Variants in MCC observed in about 807,000 individuals in gnomAD.
MCC encodes colorectal mutant cancer protein.
A neutral mutation model predicts 116.2 loss-of-function variants in MCC; 90 were observed. The ratio of observed to expected loss-of-function variants is 0.77; its 90% CI spans 0.65 to 0.92. MCC has a LOEUF of 0.92. Ranked by LOEUF, MCC falls within the 40% of genes least tolerant of loss-of-function variation. The pLI, the probability that MCC is intolerant of heterozygous loss-of-function variation, is 0.00. For synonymous variants in MCC, 578 were observed against 510.5 expected (o/e 1.13, Z -1.78); for missense variants, 1,516 against 1,312.2 (o/e 1.16, Z -2.40).
At chr5:113,171,046 A>G (rs527578677) in intron 3 of MCC, among the ~76,000 whole-genome samples, 7 of 152,164 alleles carry the variant, frequency 4.6e-5, no homozygotes, top group African/African-American at 1.7e-4. Context: ...GCATGTGACC[A>G]TGTCCTGGCA....
At chr5:113,175,309 G>A (rs1761278422) in intron 3 of MCC, among the ~76,000 whole-genome samples, 1 of 152,202 alleles carries the variant, frequency 6.6e-6, no homozygotes, top group African/African-American at 2.4e-5. Flanking sequence ...GTCAAACTTT[G>A]ATGACTTAAA....
chr5:113,269,208 G>A (rs1765522240), intron 3 of MCC: 1 of 985,204 alleles, frequency 1.0e-6, no homozygotes, highest in Admixed American at 6.2e-5. Flanking sequence ...TCCCTCCCTG[G>A]CGTCAGGGCC....
chr5:113,189,515 G>C (rs927714604), intron 3 of MCC, among the ~76,000 whole-genome samples: 9 of 152,166 alleles, frequency 5.9e-5, no homozygotes, highest in Non-Finnish European at 5.9e-5. Flanking sequence ...AGGCCATCCA[G>C]GTTCACTATG....
At chr5:113,256,909 G>A (rs10519343) in intron 3 of MCC, among the ~76,000 whole-genome samples, 16,470 of 152,160 alleles carry the variant, frequency 0.11, 1,412 homozygotes, top group Admixed American at 0.25. Context: ...AAACCATTCT[G>A]AGGGCCAGAT....
intron 3 of MCC, among the ~76,000 whole-genome samples, chr5:113,168,560 A>G (rs914233717): frequency 6.6e-6 from 1 of 152,226 alleles, no homozygotes; most frequent in Non-Finnish European, 1.5e-5. Context: ...AATCTATGCC[A>G]TGAAAGAATA....
rs762885784 is a variant in MCC at position 113,082,956 on chromosome 5, T to C, written c.1688A>G (p.Asn563Ser). Residue 563 changes from asparagine to serine, a missense_variant, in exon 11 of 19, where the codon AAT becomes AGT. Physicochemically the swap from Asn to Ser is conservative, Grantham distance 46 (BLOSUM62 1). Transcript: ENST00000408903. ...GAGTGTTTGGAAAATCTCTTGGATA[T>C]TGGAGCAGTCCTGAAGTGAGTGGGC... ...HLAHSLQDCS[N>S]IQEIFQTLYS... is the part of the protein sequence containing the mutation. 31 of 1,614,078 alleles carry C rather than the reference T, an allele frequency of 1.9e-5. No homozygotes were observed. The Middle Eastern group carries it at 8.2e-4, about 43-fold the overall frequency.
intron 2 of MCC, among the ~76,000 whole-genome samples, chr5:113,346,576 G>T (rs1429773674): frequency 6.6e-6 from 1 of 151,664 alleles, no homozygotes; most frequent in East Asian, 1.9e-4. Context: ...CTCCAGCCTG[G>T]GCAACAAGAG....
intron 1 of MCC, among the ~76,000 whole-genome samples, chr5:113,412,697 T>C (rs113771236): frequency 0.013 from 1,910 of 152,320 alleles, 51 homozygotes; most frequent in African/African-American, 0.043. Context: ...TTTCTAAATA[T>C]GCAATCATGT....
rs1264924438 is a variant in MCC at position 113,053,861 on chromosome 5, G to A, written c.2312C>T (p.Ala771Val). The change falls in exon 15 of 19, where the codon GCT (alanine) becomes GTT (valine). Residue 771 changes from alanine to valine, a missense_variant. Coordinates refer to ENST00000408903, the MANE Select transcript of MCC (RefSeq NM_001085377.2). ...DYIQQLKNDR[A>V]AVKLTMLELE... Reference sequence around the variant, plus strand: ...CTCCAGCATGGTCAGCTTGACCGCAGCCCTGTCATTCTTGAGCTGCTGGAT... The same window carrying A: ...CTCCAGCATGGTCAGCTTGACCGCAACCCTGTCATTCTTGAGCTGCTGGAT... The A allele has an allele frequency of 6.2e-7, 1 of 1,614,134 alleles. No homozygotes were observed. Among genetic ancestry groups the A allele is most frequent in the African/African-American group, 1.3e-5 (1 of 75,032 alleles).
At chr5:113,486,039 T>G (rs1328550973) in intron 1 of MCC, among the ~76,000 whole-genome samples, 1 of 152,196 alleles carries the variant, frequency 6.6e-6, no homozygotes, top group African/African-American at 2.4e-5. Flanking sequence ...GCCCCTTACC[T>G]TCATTAGCCC....
chr5:113,364,259 A>C (rs1181444098), intron 2 of MCC, among the ~76,000 whole-genome samples: 3 of 117,728 alleles, frequency 2.5e-5, no homozygotes, highest in Middle Eastern at 3.7e-3. Flanking sequence ...AAAAAAAAAA[A>C]ACCAGAAAAA....
chr5:113,316,740 G>C (rs1767296078), intron 3 of MCC, among the ~76,000 whole-genome samples: 1 of 152,160 alleles, frequency 6.6e-6, no homozygotes, highest in South Asian at 2.1e-4. Flanking sequence ...GTATCAAAGA[G>C]GGTAAACCAA....
chr5:113,266,648 T>C (rs1349570559), intron 3 of MCC, among the ~76,000 whole-genome samples: 1 of 152,160 alleles, frequency 6.6e-6, no homozygotes, highest in East Asian at 1.9e-4. Flanking sequence ...TCAGAGTAAC[T>C]GGGATTATAG....
At chr5:113,210,165 T>A (rs1188307128) in intron 3 of MCC, among the ~76,000 whole-genome samples, 1 of 152,150 alleles carries the variant, frequency 6.6e-6, no homozygotes, top group Non-Finnish European at 1.5e-5. Flanking sequence ...GAGCTGTGGG[T>A]GGGAAGAGTG....
At chr5:113,100,888 T>A (rs911082402) in intron 8 of MCC, among the ~76,000 whole-genome samples, 19 of 152,296 alleles carry the variant, frequency 1.2e-4, no homozygotes, top group African/African-American at 4.3e-4. Flanking sequence ...GTAAGTCTAG[T>A]AATTCAAAGT....
chr5:113,418,792 A>AT (rs1429748563), intron 1 of MCC, among the ~76,000 whole-genome samples: 1 of 152,124 alleles, frequency 6.6e-6, no homozygotes, highest in Non-Finnish European at 1.5e-5. Flanking sequence ...TATTACCACA[A>AT]TTAGGGGTAA....
chr5:113,291,623 G>A (rs1391847252), intron 3 of MCC, among the ~76,000 whole-genome samples: 1 of 152,168 alleles, frequency 6.6e-6, no homozygotes, highest in Non-Finnish European at 1.5e-5. Flanking sequence ...CAGCATTGAG[G>A]CTCCTGGGCA....
intron 3 of MCC, among the ~76,000 whole-genome samples, chr5:113,161,320 C>G (rs1053755539): frequency 3.3e-5 from 5 of 152,158 alleles, no homozygotes; most frequent in African/African-American, 1.2e-4. Flanking sequence ...ACGCTAAATA[C>G]TGATGTGATT....
At chr5:113,472,258 G>A (rs556300013) in intron 1 of MCC, among the ~76,000 whole-genome samples, 137 of 152,286 alleles carry the variant, frequency 9.0e-4, no homozygotes, top group African/African-American at 3.2e-3. Flanking sequence ...TGTCGCTCAC[G>A]CTGGGAGCTG....
Sources: allele counts gnomAD v4.1 joint callset (sites outside exome capture counted in the v4.1 genomes callset), GRCh38; gene constraint gnomAD v4.1.1; transcripts MANE v1.5; gene names NCBI Gene and HGNC (gene_info 2026-07-23, HGNC 2026-07-21).